Variants in FRMD4B observed in about 807,000 individuals in gnomAD.
The protein encoded by FRMD4B is FERM domain containing 4B, also known as FERM domain-containing protein 4B.
FRMD4B carries 74 observed loss-of-function variants against 141.5 expected under a neutral mutation model. The ratio of observed to expected loss-of-function variants is 0.52; its 90% CI spans 0.43 to 0.63. The LOEUF is 0.63. Among genes scored for constraint, FRMD4B ranks in the 30% least tolerant of loss-of-function variants. The probability of loss-of-function intolerance (pLI) is 0.00; values close to 1 mark genes in which losing one functional copy is unlikely to be tolerated. For missense variants in FRMD4B, 1,366 were observed against 1,253.4 expected (o/e 1.09, Z -1.36); for synonymous variants, 506 against 467.9 (o/e 1.08, Z -1.05).
chr3:69,453,810 G>T (rs566136209), intron 1 of FRMD4B, among the ~76,000 whole-genome samples: 3 of 152,198 alleles, frequency 2.0e-5, no homozygotes, highest in Non-Finnish European at 4.4e-5. Flanking sequence ...ATGTAGCCAA[G>T]AAAAGTGCAG....
intron 2 of FRMD4B, among the ~76,000 whole-genome samples, chr3:69,312,574 G>C (rs764735644): frequency 6.6e-6 from 1 of 152,158 alleles, no homozygotes; most frequent in Non-Finnish European, 1.5e-5. Context: ...AGAGTGTTGG[G>C]TGAATAGAAA....
At chr3:69,306,278 C>A (rs1701389068) in intron 3 of FRMD4B, 1 of 152,060 alleles carries the variant, frequency 6.6e-6, no homozygotes, top group Non-Finnish European at 1.5e-5. Flanking sequence ...TCATATCTAC[C>A]CCTCTCAGGA....
chr3:69,172,982 G>C lies in FRMD4B; in HGVS notation c.2985-1001C>G, dbSNP rs146575035. Among the ~76,000 whole-genome samples, 565 of 152,232 alleles carry C rather than the reference G, an allele frequency of 3.7e-3. 5 individuals carry two copies. The highest frequency in any genetic ancestry group is 6.8e-3 in the Middle Eastern group (2 of 294). Reference sequence around the variant, plus strand: ...ATTTCATAATTTCACACATCAGTCAGTGCAAGCAAAACTCCTGCTATGCAA... The same window carrying C: ...ATTTCATAATTTCACACATCAGTCACTGCAAGCAAAACTCCTGCTATGCAA... On this transcript the variant is annotated intron_variant, in intron 22 of 22. Transcript: ENST00000398540.
At chr3:69,453,653 G>A (rs1171262088) in intron 1 of FRMD4B, among the ~76,000 whole-genome samples, 1 of 152,200 alleles carries the variant, frequency 6.6e-6, no homozygotes, top group African/African-American at 2.4e-5. Context: ...TGGCTTCCCA[G>A]TGGGGGAGAG....
At chr3:69,262,064 G>C (rs1465367133) in intron 5 of FRMD4B, among the ~76,000 whole-genome samples, 3 of 151,380 alleles carry the variant, frequency 2.0e-5, no homozygotes, top group Non-Finnish European at 4.4e-5. Context: ...CCTCCCAGGT[G>C]CAAGCGATTC....
chr3:69,178,485 C>T (rs1331037959), intron 21 of FRMD4B, among the ~76,000 whole-genome samples: 1 of 151,856 alleles, frequency 6.6e-6, no homozygotes, highest in Non-Finnish European at 1.5e-5. Context: ...TAGAGGCCAG[C>T]CTGGGAAACA....
intron 5 of FRMD4B, among the ~76,000 whole-genome samples, chr3:69,275,912 A>G (rs1316646097): frequency 1.3e-5 from 2 of 152,312 alleles, no homozygotes; most frequent in Non-Finnish European, 2.9e-5. Flanking sequence ...ATACTATGCT[A>G]TATTTTTATA....
intron 1 of FRMD4B, among the ~76,000 whole-genome samples, chr3:69,332,685 T>G (rs893247044): frequency 6.6e-6 from 1 of 151,734 alleles, no homozygotes; most frequent in African/African-American, 2.4e-5. Flanking sequence ...CAAATGATCT[T>G]CCTACTTCAG....
At chr3:69,463,782 C>T (rs1173174949) in intron 1 of FRMD4B, among the ~76,000 whole-genome samples, 1 of 152,176 alleles carries the variant, frequency 6.6e-6, no homozygotes, top group Non-Finnish European at 1.5e-5. Context: ...CAAACTTTGG[C>T]TCATGATGCA....
intron 5 of FRMD4B, among the ~76,000 whole-genome samples, chr3:69,251,836 G>A: frequency 6.6e-6 from 1 of 152,226 alleles, no homozygotes; most frequent in South Asian, 2.1e-4. Context: ...GGTGAGGTGG[G>A]TGTTGATAAA....
intron 5 of FRMD4B, among the ~76,000 whole-genome samples, chr3:69,280,851 T>C (rs1044587247): frequency 3.1e-4 from 47 of 152,198 alleles, no homozygotes; most frequent in African/African-American, 9.6e-4. Flanking sequence ...ACTCCTGAGT[T>C]CAAGCAATCT....
At chr3:69,489,536 T>C (rs1289816484) in intron 1 of FRMD4B, among the ~76,000 whole-genome samples, 1 of 152,034 alleles carries the variant, frequency 6.6e-6, no homozygotes, top group Admixed American at 6.6e-5. Flanking sequence ...CCAGAGTGAG[T>C]TGCTACTTTA....
chr3:69,482,149 A>T (rs1160737792), intron 1 of FRMD4B, among the ~76,000 whole-genome samples: 2 of 152,198 alleles, frequency 1.3e-5, no homozygotes, highest in Non-Finnish European at 2.9e-5. Context: ...CTCATGCAAA[A>T]GTTTTCCTGC....
At chr3:69,284,675 G>C (rs1192639722) in intron 5 of FRMD4B, among the ~76,000 whole-genome samples, 1 of 152,014 alleles carries the variant, frequency 6.6e-6, no homozygotes, top group Non-Finnish European at 1.5e-5. Flanking sequence ...ATATTGCCAG[G>C]CATGCAAATA....
chr3:69,352,499 C>T (rs982616599), intron 1 of FRMD4B, among the ~76,000 whole-genome samples: 4 of 152,062 alleles, frequency 2.6e-5, no homozygotes, highest in African/African-American at 9.7e-5. Flanking sequence ...TCCTTCTATC[C>T]CCAGGAGTTT....
chr3:69,446,529 C>T (rs569278531), intron 1 of FRMD4B, among the ~76,000 whole-genome samples: 10 of 152,116 alleles, frequency 6.6e-5, no homozygotes, highest in South Asian at 2.1e-4. Context: ...GATGAGGTTC[C>T]GTTATGTTGG....
chr3:69,516,825 A>T (rs1156756257), intron 1 of FRMD4B, among the ~76,000 whole-genome samples: 1 of 152,208 alleles, frequency 6.6e-6, no homozygotes, highest in Non-Finnish European at 1.5e-5. Context: ...AGAGAGCTGG[A>T]AAACTGCTGG....
chr3:69,227,039 A>G (rs1285357852), intron 7 of FRMD4B, among the ~76,000 whole-genome samples: 7 of 152,188 alleles, frequency 4.6e-5, no homozygotes, highest in Admixed American at 4.6e-4. Flanking sequence ...GTGTGTTTCA[A>G]CTGGAGAAAA....
intron 1 of FRMD4B, among the ~76,000 whole-genome samples, chr3:69,500,779 A>G (rs1010898434): frequency 6.6e-6 from 1 of 151,854 alleles, no homozygotes; most frequent in Non-Finnish European, 1.5e-5. Flanking sequence ...AAAGGAAGGA[A>G]CGCCCACGCT....
Sources: gnomAD v4.1 joint callset for allele counts (sites outside exome capture counted in the v4.1 genomes callset) on GRCh38, gnomAD v4.1.1 for gene constraint, MANE v1.5 for transcripts, NCBI Gene and HGNC (gene_info 2026-07-23, HGNC 2026-07-21) for gene names.